TUBA1A: variants seen among roughly 807,000 people sequenced by gnomAD.
TUBA1A encodes the protein tubulin alpha-1A chain.
Under a neutral mutation model 34.6 loss-of-function variants are expected in TUBA1A, and 7 were observed. The observed-to-expected ratio is 0.20, with a 90% CI of 0.11 to 0.38. TUBA1A has a LOEUF of 0.38. Among genes scored for constraint, TUBA1A ranks in the 10% least tolerant of loss-of-function variants. TUBA1A has a pLI of 1.00. For missense variants in TUBA1A, 19 were observed against 581.3 expected (o/e 0.03, Z 9.95); for synonymous variants, 193 against 210.2 (o/e 0.92, Z 0.71).
At chr12:49,187,994 G>C (rs1050994995) in intron 1 of TUBA1A, 16 of 980,696 alleles carry the variant, frequency 1.6e-5, no homozygotes, top group Non-Finnish European at 1.8e-5. Flanking sequence ...TTTCTCCCTC[G>C]CTGAACGTGC....
Sources: allele counts gnomAD v4.1 joint callset, GRCh38; gene constraint gnomAD v4.1.1; transcripts MANE v1.5; gene names NCBI Gene and HGNC (gene_info 2026-07-23, HGNC 2026-07-21).